Variants in CAPN2 observed in about 807,000 individuals in gnomAD.
CAPN2 encodes the protein calpain 2.
In CAPN2, 92 loss-of-function variants were observed where a neutral mutation model predicts 102.3. The ratio of observed to expected loss-of-function variants is 0.90; its 90% CI spans 0.76 to 1.07. The LOEUF (loss-of-function observed/expected upper bound fraction) is 1.07. Ranked by LOEUF, CAPN2 falls within the 50% of genes least tolerant of loss-of-function variation. The probability of loss-of-function intolerance (pLI) is 0.00; values close to 1 mark genes in which losing one functional copy is unlikely to be tolerated. For synonymous variants in CAPN2, 340 were observed against 355.4 expected (o/e 0.96, Z 0.49); for missense variants, 800 against 909.4 (o/e 0.88, Z 1.55).
intron 18 of CAPN2, 59 bp from the exon 19 acceptor site, chr1:223,771,750 G>A (rs12080250): frequency 0.089 from 92,391 of 1,036,906 alleles, 4,781 homozygotes; most frequent in African/African-American, 0.19. Flanking sequence ...GCCTGTGAGC[G>A]CAGCTAAATG....
chr1:223,720,043 C>T (rs970611013), intron 2 of CAPN2, among the ~76,000 whole-genome samples: 1 of 152,180 alleles, frequency 6.6e-6, no homozygotes, highest in African/African-American at 2.4e-5. Flanking sequence ...GGCAGTGACA[C>T]TCTGTGACAT....
rs563242004 is a variant in CAPN2, at chr1:223,744,180, A to T, written c.388A>T (p.Ser130Cys). 1.9e-6 allele frequency: 3 copies of T among 1,614,018 alleles called. No homozygotes were observed. The highest frequency in any genetic ancestry group is 2.7e-5 in the African/African-American group (2 of 75,004). The change falls in exon 3 of 21, where the codon AGC (serine) becomes TGC (cysteine). Residue 130 changes from serine (S) to cysteine (C), a missense_variant. By Grantham distance (112) the Ser-to-Cys change is moderately radical. Transcript: ENST00000295006. ...ILARVVPLNQSFQENYAGIFH... is the reference protein window; with the variant it reads ...ILARVVPLNQCFQENYAGIFH... ...GGCTCGAGTCGTCCCCCTAAACCAG[A>T]GCTTCCAGGAAAACTATGCAGGGAT... is the stretch of plus-strand genomic sequence containing the variant.
chr1:223,744,264 G>C, intron 3 of CAPN2, 46 bp downstream of exon 3: 1 of 1,203,736 alleles, frequency 8.3e-7, no homozygotes, highest in South Asian at 1.2e-5. Flanking sequence ...GGTCCAGGGG[G>C]CTAGGAACAG....
intron 11 of CAPN2, chr1:223,758,849 C>G (rs980977264): frequency 3.5e-5 from 9 of 256,062 alleles, no homozygotes; most frequent in Non-Finnish European, 5.4e-5. Flanking sequence ...CTTGCCGCCA[C>G]CCCTGGCTAA....
chr1:223,731,895 G>A lies in CAPN2; in HGVS notation c.308-12205G>A, dbSNP rs984770561. On this transcript the variant is annotated intron_variant, in intron 2 of 20. Transcript: ENST00000295006. The surrounding 1 kb of genome is among the most constrained non-coding windows in gnomAD (Gnocchi z 4.2). ...GCCAGTGTGTGAAACGTGTGTGTGAGTGTGTCACCGGTAAGCTGAGTTCTT... is the reference window on the plus strand; with the variant it reads ...GCCAGTGTGTGAAACGTGTGTGTGAATGTGTCACCGGTAAGCTGAGTTCTT... 2.0e-5 allele frequency among the ~76,000 whole-genome samples: 3 copies of A among 152,168 alleles called. No homozygotes were observed. The highest frequency in any genetic ancestry group is 1.3e-4 in the Admixed American group (2 of 15,284).
intron 20 of CAPN2, chr1:223,772,842 C>T (rs371129883): frequency 1.3e-5 from 2 of 152,226 alleles, no homozygotes; most frequent in East Asian, 3.9e-4. Context: ...AAAATGTTCT[C>T]GTGTCATCCC....
At chr1:223,737,107 A>C (rs769552396) in intron 2 of CAPN2, among the ~76,000 whole-genome samples, 2 of 152,204 alleles carry the variant, frequency 1.3e-5, no homozygotes, top group Non-Finnish European at 2.9e-5. Context: ...AGGAAGGGAC[A>C]GGAGGCCCCT....
chr1:223,719,417 T>C (rs1441327282), intron 2 of CAPN2, among the ~76,000 whole-genome samples: 1 of 152,080 alleles, frequency 6.6e-6, no homozygotes, highest in African/African-American at 2.4e-5. Flanking sequence ...TGGGTGCCTG[T>C]AATCCCAGCT....
chr1:223,749,294 C>T (rs969315651), intron 6 of CAPN2, 172 bp downstream of exon 6: 2 of 610,770 alleles, frequency 3.3e-6, no homozygotes, highest in African/African-American at 1.9e-5. Context: ...TTTCGCAGCT[C>T]GGGCGCCGGG....
Position 223,757,362 on chromosome 1 carries a change from T to A in CAPN2, c.1306-7T>A. 6.2e-7 allele frequency: 1 copy of A among 1,614,180 alleles called. No homozygotes were observed. The highest frequency in any genetic ancestry group is 1.1e-5 in the South Asian group (1 of 91,074). On this transcript the variant is annotated splice_polypyrimidine_tract_variant and splice_region_variant and intron_variant, in intron 10 of 20. Transcript: ENST00000295006. ...GGCATCTGAATTGCATCTCCTTTAT[T>A]TTGCAGGTTCCAGAGGAGGTACGTC...
At chr1:223,717,170 G>C (rs528359697) in intron 1 of CAPN2, among the ~76,000 whole-genome samples, 1 of 152,222 alleles carries the variant, frequency 6.6e-6, no homozygotes, top group South Asian at 2.1e-4. Flanking sequence ...CCCTCAAAAG[G>C]GTATGTGTTA....
intron 16 of CAPN2, 73 bp downstream of exon 16, chr1:223,766,504 A>G: frequency 1.7e-6 from 2 of 1,182,052 alleles, no homozygotes; most frequent in Middle Eastern, 1.9e-4. Flanking sequence ...ATTCAAACAC[A>G]TGGCCTTCTC....
In CAPN2 at chr1:223,755,985, T is replaced by C. The variant is rs962561779; in HGVS notation, c.1305+336T>C. Among the ~76,000 whole-genome samples the C allele has an allele frequency of 2.0e-5, 3 of 152,186 alleles. No individual in the cohort carries two copies. The highest frequency in any genetic ancestry group is 2.9e-5 in the Non-Finnish European group (2 of 68,022). The stretch of plus-strand genomic sequence containing the variant: ...CCCATCTTCAAAGAACAGAATATAC[T>C]GGGCCACATCAGGCAATACTGTGAG... On this transcript the variant is annotated intron_variant, in intron 10 of 20. Transcript: ENST00000295006. This position sits in a 1 kb window ranked among gnomAD's most constrained non-coding sequence, Gnocchi z 4.1.
At chr1:223,746,838 T>A (rs1660762038) in intron 4 of CAPN2, among the ~76,000 whole-genome samples, 159 bp from the exon 5 acceptor site, 1 of 152,138 alleles carries the variant, frequency 6.6e-6, no homozygotes, top group Non-Finnish European at 1.5e-5. Flanking sequence ...CATTATACCT[T>A]GCCTTCCTGA....
intron 2 of CAPN2, among the ~76,000 whole-genome samples, chr1:223,720,894 C>A (rs1558060942): frequency 6.6e-6 from 1 of 152,142 alleles, no homozygotes; most frequent in South Asian, 2.1e-4. Context: ...CTCCAATTTG[C>A]CATAGTGCTG....
rs28370047 is a variant in CAPN2, at chr1:223,743,069, A to G, written c.308-1031A>G. On this transcript the variant is annotated intron_variant, in intron 2 of 20. Coordinates refer to ENST00000295006, the MANE Select transcript of CAPN2 (RefSeq NM_001748.5). ...CTGGCATCAGCTTGCTTCTAACTGCATGAAATGATTGTGGTGCCTGCTGTG... is the reference window on the plus strand; with the variant it reads ...CTGGCATCAGCTTGCTTCTAACTGCGTGAAATGATTGTGGTGCCTGCTGTG... Among the ~76,000 whole-genome samples, 997 of 152,294 alleles carry G rather than the reference A, an allele frequency of 6.5e-3. 4 individuals carry two copies. Among genetic ancestry groups the G allele is most frequent in the Non-Finnish European group, 0.011 (720 of 68,032 alleles).
chr1:223,753,023 C>T, intron 9 of CAPN2, 67 bp downstream of exon 9: 1 of 1,496,762 alleles, frequency 6.7e-7, no homozygotes, highest in Non-Finnish European at 9.2e-7. Flanking sequence ...TCCCCTTACC[C>T]CACCCTGTGT....
At chr1:223,750,504 A>G (rs150337937) in intron 6 of CAPN2, among the ~76,000 whole-genome samples, 445 of 152,266 alleles carry the variant, frequency 2.9e-3, no homozygotes, top group Non-Finnish European at 4.2e-3. Context: ...CCAGGACTCA[A>G]TCCAGATTCA....
At chr1:223,740,044 C>T (rs16842078) in intron 2 of CAPN2, among the ~76,000 whole-genome samples, 2,477 of 152,256 alleles carry the variant, frequency 0.016, 76 homozygotes, top group African/African-American at 0.056. Context: ...AATTATTTTA[C>T]GTAAGGTAGA....
Sources: allele counts gnomAD v4.1 joint callset (sites outside exome capture counted in the v4.1 genomes callset), GRCh38; gene constraint gnomAD v4.1.1; non-coding constraint Gnocchi (gnomAD v3.1); transcripts MANE v1.5; gene names NCBI Gene and HGNC (gene_info 2026-07-23, HGNC 2026-07-21).